Variants in GPR158 observed in about 807,000 individuals in gnomAD.
The protein encoded by GPR158 is G protein-coupled receptor 158, also known as metabotropic glycine receptor.
GPR158 carries 30 observed loss-of-function variants against 78.2 expected under a neutral mutation model. The ratio of observed to expected loss-of-function variants is 0.38; its 90% CI spans 0.29 to 0.52. The LOEUF is 0.52. GPR158 is among the 20% of genes least tolerant of loss of function. The pLI, the probability that GPR158 is intolerant of heterozygous loss-of-function variation, is 0.83. For synonymous variants in GPR158, 581 were observed against 591.1 expected (o/e 0.98, Z 0.25); for missense variants, 1,463 against 1,523.5 (o/e 0.96, Z 0.66).
At chr10:25,463,723 C>G (rs1036002362) in intron 4 of GPR158, among the ~76,000 whole-genome samples, 1 of 152,084 alleles carries the variant, frequency 6.6e-6, no homozygotes. Flanking sequence ...GCCCCCACCC[C>G]CATACACACT....
intron 2 of GPR158, among the ~76,000 whole-genome samples, chr10:25,274,930 C>T (rs936370146): frequency 4.6e-5 from 7 of 152,018 alleles, no homozygotes; most frequent in African/African-American, 1.2e-4. Flanking sequence ...GTGACAAAGA[C>T]GAATTACTCT....
At chr10:25,194,683 A>G (rs1018302909) in intron 1 of GPR158, among the ~76,000 whole-genome samples, 3 of 152,218 alleles carry the variant, frequency 2.0e-5, no homozygotes, top group African/African-American at 4.8e-5. Context: ...GAAAACTGGC[A>G]GTATGAGTTT....
intron 4 of GPR158, among the ~76,000 whole-genome samples, chr10:25,431,349 T>G (rs1365568845): frequency 6.7e-6 from 1 of 148,532 alleles, no homozygotes; most frequent in Non-Finnish European, 1.5e-5. Flanking sequence ...CATTAAAAAG[T>G]CAGGAAACAG....
At chr10:25,492,165 CAA>C in intron 5 of GPR158, among the ~76,000 whole-genome samples, 1 of 152,222 alleles carries the variant, frequency 6.6e-6, no homozygotes, top group African/African-American at 2.4e-5. Flanking sequence ...TTCTTTTCAA[CAA>C]CCAGCTCTTG....
intron 1 of GPR158, among the ~76,000 whole-genome samples, chr10:25,218,065 T>A (rs1853243629): frequency 6.6e-6 from 1 of 152,168 alleles, no homozygotes; most frequent in African/African-American, 2.4e-5. Context: ...AGGTGTTGGA[T>A]CTTTGCGTCC....
At chr10:25,297,698 T>G (rs1263029981) in intron 2 of GPR158, among the ~76,000 whole-genome samples, 2 of 152,194 alleles carry the variant, frequency 1.3e-5, no homozygotes, top group Non-Finnish European at 2.9e-5. Context: ...GCAACATACT[T>G]ATCAGTGGCT....
Position 25,412,305 on chromosome 10 carries a change from C to T in GPR158, c.1167C>T (p.Ala389=). The change falls in exon 4 of 11, where the codon GCC becomes GCT. Residue 389 remains alanine (A), a synonymous_variant. Transcript: ENST00000376351. ...SGSTKDVSEE[A]YVCLPCREGC... is the part of the protein sequence containing the mutation. ...GTACAAAAGATGTGTCAGAAGAAGC[C>T]TATGTCTGCCTACCTTGCAGGGAGG... The T allele has an allele frequency of 6.2e-7, 1 of 1,614,110 alleles. No individual in the cohort carries two copies. The highest frequency in any genetic ancestry group is 8.5e-7 in the Non-Finnish European group (1 of 1,179,940).
intron 2 of GPR158, among the ~76,000 whole-genome samples, chr10:25,378,582 T>G (rs1834115958): frequency 6.6e-6 from 1 of 150,940 alleles, no homozygotes; most frequent in Non-Finnish European, 1.5e-5. Flanking sequence ...CTTTTTTTAT[T>G]ATTTAACTTT....
At chr10:25,547,634 C>T (rs1836679666) in intron 5 of GPR158, among the ~76,000 whole-genome samples, 1 of 152,118 alleles carries the variant, frequency 6.6e-6, no homozygotes, top group African/African-American at 2.4e-5. Flanking sequence ...TGATGGCATT[C>T]ATCACCTCCC....
At position 25,175,392 on chromosome 10, in the gene GPR158, C is replaced by T. The variant is rs1358715908; in HGVS notation, c.-29C>T. The stretch of plus-strand genomic sequence containing the variant: ...TTTAAAAAGTGATTCCCCCCCCTCC[C>T]GTTCCCTCCTCTTCTCTCTGGGAGG... On this transcript the variant is annotated 5_prime_UTR_variant, in exon 1 of 11. Transcript: ENST00000376351. The surrounding 1 kb of genome is among the most constrained non-coding windows in gnomAD (Gnocchi z 6.4). 44 of 1,383,188 alleles carry T rather than the reference C, an allele frequency of 3.2e-5. No individual in the cohort carries two copies. The highest frequency in any genetic ancestry group is 6.8e-5 in the Admixed American group (3 of 43,830). 85.7% of individuals were successfully genotyped at this position (1,383,188 alleles called of 1,614,324 possible).
At chr10:25,516,364 CTTTAG>C (rs1263683487) in intron 5 of GPR158, among the ~76,000 whole-genome samples, 3 of 151,696 alleles carry the variant, frequency 2.0e-5, no homozygotes, top group Non-Finnish European at 4.4e-5. Context: ...TGCAGAAGCT[CTTTAG>C]TTTAATTAGA....
At chr10:25,583,042 G>A (rs1011520657) in intron 7 of GPR158, among the ~76,000 whole-genome samples, 5 of 152,274 alleles carry the variant, frequency 3.3e-5, no homozygotes, top group African/African-American at 7.2e-5. Flanking sequence ...TAAGAGACTC[G>A]GATTCTAGGC....
chr10:25,415,682 A>G (rs1468262650), intron 4 of GPR158, among the ~76,000 whole-genome samples: 1 of 152,138 alleles, frequency 6.6e-6, no homozygotes, highest in African/African-American at 2.4e-5. Flanking sequence ...ATGTCTACAA[A>G]GAAATATGCA....
chr10:25,245,693 G>A (rs1335037558), intron 2 of GPR158, among the ~76,000 whole-genome samples: 2 of 152,164 alleles, frequency 1.3e-5, no homozygotes, highest in Admixed American at 1.3e-4. Flanking sequence ...AGACAAAGGT[G>A]CAGTTTAATT....
chr10:25,346,343 C>A (rs1855371413), intron 2 of GPR158, among the ~76,000 whole-genome samples: 1 of 151,818 alleles, frequency 6.6e-6, no homozygotes, highest in South Asian at 2.1e-4. Flanking sequence ...CCTCCTTTAC[C>A]CTTGCAAAAG....
chr10:25,211,249 G>C (rs986304175), intron 1 of GPR158, among the ~76,000 whole-genome samples: 2 of 151,930 alleles, frequency 1.3e-5, no homozygotes, highest in South Asian at 4.2e-4. Context: ...AGTGTGTTTT[G>C]TGCCACTATA....
At chr10:25,343,771 A>G (rs1855334781) in intron 2 of GPR158, among the ~76,000 whole-genome samples, 1 of 152,028 alleles carries the variant, frequency 6.6e-6, no homozygotes, top group Non-Finnish European at 1.5e-5. Flanking sequence ...CTTGGCCTAT[A>G]TAACTCCTAG....
chr10:25,534,855 T>C (rs1188835673), intron 5 of GPR158, among the ~76,000 whole-genome samples: 3 of 149,618 alleles, frequency 2.0e-5, no homozygotes, highest in Non-Finnish European at 4.4e-5. Flanking sequence ...TTTCTTACTG[T>C]TTAAAACATT....
chr10:25,300,541 T>C (rs952136528), intron 2 of GPR158, among the ~76,000 whole-genome samples: 4 of 147,316 alleles, frequency 2.7e-5, no homozygotes, highest in African/African-American at 8.0e-5. Flanking sequence ...ATCTTTGGGA[T>C]TGGAAGGTTG....
Sources: gnomAD v4.1 joint callset for allele counts (sites outside exome capture counted in the v4.1 genomes callset) on GRCh38, gnomAD v4.1.1 for gene constraint, Gnocchi (gnomAD v3.1) non-coding constraint, MANE v1.5 for transcripts, NCBI Gene and HGNC (gene_info 2026-07-23, HGNC 2026-07-21) for gene names.